GATB: variants seen among roughly 807,000 people sequenced by gnomAD.
GATB encodes the protein glutamyl-tRNA amidotransferase subunit B, also known as glutamyl-tRNA(Gln) amidotransferase subunit B, mitochondrial.
Under a neutral mutation model 62.3 loss-of-function variants are expected in GATB, and 39 were observed. The observed-to-expected ratio is 0.63, with a 90% CI of 0.48 to 0.82. The LOEUF is 0.82. Ranked by LOEUF, GATB falls within the 40% of genes least tolerant of loss-of-function variation. The pLI is 0.00. For missense variants in GATB, 670 were observed against 684.0 expected, an observed-to-expected ratio of 0.98 and a Z score of 0.23; for synonymous variants, 276 against 258.9, an observed-to-expected ratio of 1.07 and a Z score of -0.63.
At chr4:151,693,176 TA>T (rs34432289) in intron 9 of GATB, among the ~76,000 whole-genome samples, 23 of 147,844 alleles carry the variant, frequency 1.6e-4, no homozygotes, top group South Asian at 6.5e-4. Flanking sequence ...AACAGCTATG[TA>T]AAAAAAAAAA....
intron 2 of GATB, among the ~76,000 whole-genome samples, chr4:151,737,588 A>C (rs1487998087): frequency 6.6e-6 from 1 of 152,224 alleles, no homozygotes; most frequent in African/African-American, 2.4e-5. Context: ...TTAATCCCCA[A>C]GACAGGGGGA....
chr4:151,760,964 G>T lies in GATB; in HGVS notation c.19C>A (p.Arg7Ser). ...CAACGTCTTCCACGGCAGCCCCAGC[G>T]CAGCATGGGCGCCGCCATTGTAACT... MAAPML[R>S]WGCRGRRWAF... Residue 7 changes from arginine (R) to serine (S), a missense_variant, in exon 1 of 13, where the codon CGC becomes AGC. Physicochemically the swap from Arg to Ser is moderately radical, Grantham distance 110. Transcript: ENST00000263985. The T allele has an allele frequency of 6.2e-7, 1 of 1,611,544 alleles. No homozygotes were observed. Among genetic ancestry groups the T allele is most frequent in the Non-Finnish European group, 8.5e-7 (1 of 1,179,208 alleles).
At chr4:151,718,218 T>A (rs1322979073) in intron 3 of GATB, among the ~76,000 whole-genome samples, 1 of 152,202 alleles carries the variant, frequency 6.6e-6, no homozygotes, top group Non-Finnish European at 1.5e-5. Flanking sequence ...TTGAGAATCC[T>A]GCAAAAGGCT....
chr4:151,697,383 A>G (rs1030553594), intron 9 of GATB, among the ~76,000 whole-genome samples: 2 of 152,082 alleles, frequency 1.3e-5, no homozygotes, highest in Non-Finnish European at 2.9e-5. Context: ...GAAACAGAAA[A>G]TCAAATACCA....
intron 2 of GATB, among the ~76,000 whole-genome samples, chr4:151,734,619 T>A (rs1351467030): frequency 6.6e-6 from 1 of 152,132 alleles, no homozygotes; most frequent in Non-Finnish European, 1.5e-5. Flanking sequence ...AGAGCCCGCA[T>A]AACCAAAGCA....
intron 2 of GATB, among the ~76,000 whole-genome samples, chr4:151,752,158 A>T (rs1739734108): frequency 6.6e-6 from 1 of 152,174 alleles, no homozygotes; most frequent in Non-Finnish European, 1.5e-5. Flanking sequence ...GCTGCTGTTG[A>T]AAAGTCTGAT....
intron 10 of GATB, 118 bp from the exon 11 acceptor site, chr4:151,680,009 G>T: frequency 1.2e-6 from 1 of 815,330 alleles, no homozygotes; most frequent in Non-Finnish European, 2.1e-6. Context: ...CCCACGCCTA[G>T]GGATGAAAAC....
chr4:151,753,068 A>G (rs1739750202), intron 2 of GATB, among the ~76,000 whole-genome samples: 1 of 152,172 alleles, frequency 6.6e-6, no homozygotes, highest in African/African-American at 2.4e-5. Context: ...TGGACATACC[A>G]GGCCACCTAA....
intron 2 of GATB, among the ~76,000 whole-genome samples, chr4:151,731,632 G>A (rs1371796186): frequency 6.6e-6 from 1 of 152,020 alleles, no homozygotes; most frequent in Non-Finnish European, 1.5e-5. Context: ...GAAGTGAGGA[G>A]TGCCTCTTCC....
intron 6 of GATB, among the ~76,000 whole-genome samples, chr4:151,706,834 T>C (rs1339126778): frequency 6.6e-6 from 1 of 152,244 alleles, no homozygotes; most frequent in East Asian, 1.9e-4. Flanking sequence ...TCTTGGTCTC[T>C]GTGCACCCTT....
At chr4:151,682,483 G>A (rs1012420286) in intron 10 of GATB, among the ~76,000 whole-genome samples, 3 of 152,152 alleles carry the variant, frequency 2.0e-5, no homozygotes, top group South Asian at 4.1e-4. Context: ...ATGCGTCTCC[G>A]CTGAAGAAGA....
intron 6 of GATB, among the ~76,000 whole-genome samples, chr4:151,706,194 G>GGTGA (rs1738711944): frequency 6.6e-6 from 1 of 152,144 alleles, no homozygotes; most frequent in African/African-American, 2.4e-5. Flanking sequence ...GAAAAAGGTG[G>GGTGA]TGAAAAATCA....
intron 8 of GATB, among the ~76,000 whole-genome samples, 189 bp from the exon 9 acceptor site, chr4:151,701,707 C>T (rs1478894244): frequency 6.6e-6 from 1 of 152,138 alleles, no homozygotes; most frequent in Non-Finnish European, 1.5e-5. Context: ...CCTCCAAACC[C>T]ACCCCTCTCC....
At chr4:151,753,297 C>A (rs1025291276) in intron 2 of GATB, among the ~76,000 whole-genome samples, 2 of 152,132 alleles carry the variant, frequency 1.3e-5, no homozygotes, top group African/African-American at 4.8e-5. Flanking sequence ...TCTGACTCAA[C>A]CCCTTTGTTT....
At chr4:151,673,042 A>G in intron 11 of GATB, 146 bp from the exon 12 acceptor site, 3 of 1,000,460 alleles carry the variant, frequency 3.0e-6, no homozygotes, top group Non-Finnish European at 4.3e-6. Flanking sequence ...CCAAAGGGAA[A>G]GGGCACCTGG....
At chr4:151,697,975 A>ATATATGTG (rs1738519324) in intron 9 of GATB, among the ~76,000 whole-genome samples, 1 of 125,836 alleles carries the variant, frequency 7.9e-6, no homozygotes, top group African/African-American at 3.5e-5. Context: ...ATATATATAT[A>ATATATGTG]TATATATATA....
intron 2 of GATB, among the ~76,000 whole-genome samples, chr4:151,742,218 A>G (rs949839476): frequency 6.6e-6 from 1 of 151,648 alleles, no homozygotes. Context: ...CCTCCTGAGT[A>G]GCTGGGACTA....
chr4:151,710,652 A>G (rs1738799661), intron 5 of GATB, among the ~76,000 whole-genome samples: 1 of 152,204 alleles, frequency 6.6e-6, no homozygotes, highest in African/African-American at 2.4e-5. Context: ...TTGACAAGCC[A>G]ACCAATCCTT....
chr4:151,746,468 TAG>T (rs1312125509), intron 2 of GATB, among the ~76,000 whole-genome samples: 1 of 152,234 alleles, frequency 6.6e-6, no homozygotes, highest in African/African-American at 2.4e-5. Flanking sequence ...ATCCTGTCTA[TAG>T]ATCTATAGGT....
Sources: gnomAD v4.1 joint callset for allele counts (sites outside exome capture counted in the v4.1 genomes callset) on GRCh38, gnomAD v4.1.1 for gene constraint, MANE v1.5 for transcripts, NCBI Gene and HGNC (gene_info 2026-07-23, HGNC 2026-07-21) for gene names.